The following MAP3K14 variants were observed in gnomAD, a reference collection of about 807,000 sequenced individuals.
MAP3K14 encodes the protein NF-kappa-beta-inducing kinase.
In MAP3K14, 16 loss-of-function variants were observed where a neutral mutation model predicts 99.2. That is an observed-to-expected ratio of 0.16 (90% CI 0.11 to 0.24). The LOEUF is 0.24. Among genes scored for constraint, MAP3K14 ranks in the 10% least tolerant of loss-of-function variants. The pLI, the probability that MAP3K14 is intolerant of heterozygous loss-of-function variation, is 1.00. For missense variants in MAP3K14, 784 were observed against 1,208.7 expected (o/e 0.65, Z 5.21); for synonymous variants, 462 against 492.4 (o/e 0.94, Z 0.82).
At chr17:45,279,769 C>T (rs988132380) in intron 6 of MAP3K14, among the ~76,000 whole-genome samples, 7 of 152,106 alleles carry the variant, frequency 4.6e-5, no homozygotes, top group Non-Finnish European at 8.8e-5. Flanking sequence ...TAAAAAAAGG[C>T]GTAAGAGCAA....
At chr17:45,274,322 C>T (rs1308848600) in intron 7 of MAP3K14, 68 bp from the exon 8 acceptor site, 1 of 1,575,662 alleles carries the variant, frequency 6.3e-7, no homozygotes. Flanking sequence ...AGGGCAAGAG[C>T]ACAGGGCAGG....
chr17:45,304,251 G>A (rs931178507), intron 1 of MAP3K14, among the ~76,000 whole-genome samples: 3 of 152,004 alleles, frequency 2.0e-5, no homozygotes, highest in South Asian at 2.1e-4. Context: ...CAATCCACCC[G>A]CCTTGGCCTC....
intron 5 of MAP3K14, among the ~76,000 whole-genome samples, chr17:45,285,519 G>A (rs954172631): frequency 4.6e-5 from 7 of 152,106 alleles, no homozygotes; most frequent in African/African-American, 1.7e-4. Flanking sequence ...TCAGCTACTC[G>A]GGAGGCTGAG....
rs930153788 is a variant in MAP3K14, at chr17:45,303,382, G to A, written c.-20-12617C>T. Among the ~76,000 whole-genome samples the A allele has an allele frequency of 2.0e-5, 3 of 152,258 alleles. No individual in the cohort carries two copies. The East Asian group carries it at 5.8e-4, about 29-fold the overall frequency. On this transcript the variant is annotated intron_variant, in intron 1 of 15. Transcript: ENST00000344686. ...TCAAGACCAGCCTGGCCAACATGGGGAAATCTCGTCTCTACTAAAAATACA... is the reference window on the plus strand; with the variant it reads ...TCAAGACCAGCCTGGCCAACATGGGAAAATCTCGTCTCTACTAAAAATACA...
In MAP3K14 at chr17:45,279,179, G is replaced by T. The variant is rs1378275964; in HGVS notation, c.1291-4586C>A. 2.0e-5 allele frequency among the ~76,000 whole-genome samples: 3 copies of T among 152,200 alleles called. No homozygotes were observed. In the East Asian group the frequency reaches 5.8e-4, roughly 29 times the overall value. ...AGTTTCGCTCTTGTTGCCCGGGCTGGAGTGCAATGGCGTGATCTCGGCTCA... is the reference window on the plus strand; with the variant it reads ...AGTTTCGCTCTTGTTGCCCGGGCTGTAGTGCAATGGCGTGATCTCGGCTCA... On this transcript the variant is annotated intron_variant, in intron 6 of 15. Coordinates refer to ENST00000344686, the MANE Select transcript of MAP3K14 (RefSeq NM_003954.5).
Position 45,267,577 on chromosome 17 carries a change from G to C in MAP3K14, c.2155C>G (p.Pro719Ala). 1 of 1,613,506 alleles carries C rather than the reference G, an allele frequency of 6.2e-7. No homozygotes were observed. Among genetic ancestry groups the C allele is most frequent in the South Asian group, 1.1e-5 (1 of 91,020 alleles). ...RAPKLQPPLP[P>A]EPPEPNKSPP... is the part of the protein sequence containing the mutation. ...GACTTGTTTGGCTCTGGGGGCTCTG[G>C]TGGGAGAGGAGGCTGGAGCTTAGGG... Residue 719 changes from proline (P) to alanine (A), a missense_variant, in exon 12 of 16, where the codon CCA (proline) becomes GCA (alanine). By Grantham distance (27) the Pro-to-Ala change is conservative. This residue lies in a region of MAP3K14 where 128 missense variants were observed against 143.3 expected (regional missense o/e 0.89). Transcript: ENST00000344686. This position sits in a 1 kb window ranked among gnomAD's most constrained non-coding sequence, Gnocchi z 5.1.
At chr17:45,293,986 G>C (rs2143837468) in intron 1 of MAP3K14, among the ~76,000 whole-genome samples, 1 of 152,220 alleles carries the variant, frequency 6.6e-6, no homozygotes, top group East Asian at 1.9e-4. Context: ...TTTGGTCTCT[G>C]GCTGTCACCC....
intron 13 of MAP3K14, 80 bp from the exon 14 acceptor site, chr17:45,266,761 A>G: frequency 6.9e-7 from 1 of 1,457,428 alleles, no homozygotes; most frequent in Non-Finnish European, 9.3e-7. Flanking sequence ...TTTGGGGAAA[A>G]GGGGCACTGC....
chr17:45,289,185 G>A (rs2044291872), intron 3 of MAP3K14, 51 bp downstream of exon 3: 4 of 1,547,756 alleles, frequency 2.6e-6, no homozygotes, highest in Admixed American at 1.7e-5. Flanking sequence ...GGGGACGAGG[G>A]CGCTGGGTCC....
chr17:45,316,368 C>T (rs1001521278), intron 1 of MAP3K14, among the ~76,000 whole-genome samples: 1 of 152,172 alleles, frequency 6.6e-6, no homozygotes, highest in Non-Finnish European at 1.5e-5. Flanking sequence ...GATAAAGTCC[C>T]GAGTTGGAGA....
At chr17:45,297,357 G>A (rs77220791) in intron 1 of MAP3K14, among the ~76,000 whole-genome samples, 4,751 of 152,278 alleles carry the variant, frequency 0.031, 188 homozygotes, top group African/African-American at 0.088. Context: ...GGAAGCAGAC[G>A]AAGATCCCTT....
intron 1 of MAP3K14, among the ~76,000 whole-genome samples, chr17:45,315,729 A>G (rs530155149): frequency 2.0e-4 from 30 of 152,278 alleles, no homozygotes; most frequent in African/African-American, 5.8e-4. Context: ...AGTCCCAGCT[A>G]TGAGGCATCA....
chr17:45,289,464 C>T (rs747206256), intron 2 of MAP3K14, among the ~76,000 whole-genome samples, 159 bp from the exon 3 acceptor site: 53 of 152,142 alleles, frequency 3.5e-4, no homozygotes, highest in Non-Finnish European at 7.1e-4. Context: ...GCCTCCTTCC[C>T]GCACTGTCTC....
chr17:45,305,318 G>A (rs2044422597), intron 1 of MAP3K14, among the ~76,000 whole-genome samples: 1 of 151,332 alleles, frequency 6.6e-6, no homozygotes, highest in South Asian at 2.1e-4. Context: ...GGATGGTCTC[G>A]ATCTCCTGAC....
chr17:45,292,838 C>T (rs1173226844), intron 1 of MAP3K14, among the ~76,000 whole-genome samples: 1 of 152,194 alleles, frequency 6.6e-6, no homozygotes, highest in Non-Finnish European at 1.5e-5. Flanking sequence ...GCGTGACCTC[C>T]TCATTTCTAT....
Position 45,263,412 on chromosome 17 carries a change from C to T in MAP3K14, c.*1224G>A, listed in dbSNP as rs539391922. 6.5e-6 allele frequency: 1 copy of T among 152,914 alleles called. No individual in the cohort carries two copies. Among genetic ancestry groups the T allele is most frequent in the South Asian group, 2.1e-4 (1 of 4,832 alleles). 9.5% of individuals were successfully genotyped at this position (152,914 alleles called of 1,614,324 possible). ...GCTACGTGAGTCCTGAGTAGCTCCC[C>T]TGGGAGAAGAGGCTAAGCTGGGGCA... is the stretch of plus-strand genomic sequence containing the variant. On this transcript the variant is annotated 3_prime_UTR_variant, in exon 16 of 16. Coordinates refer to ENST00000344686, the MANE Select transcript of MAP3K14 (RefSeq NM_003954.5).
rs751683830 is a variant in MAP3K14, at chr17:45,287,344, T to C, written c.347A>G (p.Gln116Arg). ...AGCATGGGCCACATTGTTGGGGATC[T>C]GATCAAGACTCTCGGACTGGCTGTC... is the stretch of plus-strand genomic sequence containing the variant. The part of the protein sequence containing the change: ...KQYSQSESLD[Q>R]IPNNVAHATE... The change falls in exon 4 of 16, where the codon CAG (glutamine) becomes CGG (arginine). Residue 116 changes from glutamine to arginine, a missense_variant. By Grantham distance (43) the Gln-to-Arg change is conservative (BLOSUM62 1). Around this residue, in one of 5 missense-constraint regions of MAP3K14, gnomAD observed 188 missense variants for 313.0 expected, o/e 0.60. Transcript: ENST00000344686. The C allele has an allele frequency of 6.2e-7, 1 of 1,614,028 alleles. No individual in the cohort carries two copies. Among genetic ancestry groups the C allele is most frequent in the Non-Finnish European group, 8.5e-7 (1 of 1,179,884 alleles).
At chr17:45,273,871 C>A (rs879804503) in intron 8 of MAP3K14, 1 of 642,292 alleles carries the variant, frequency 1.6e-6, no homozygotes, top group Admixed American at 2.4e-5. Flanking sequence ...CTGCGCCGAC[C>A]CCATACCAGG....
chr17:45,270,580 A>G lies in MAP3K14; in HGVS notation c.1822-17T>C. ...GCTGGCAATCTGGGGGGCAAAAGAC[A>G]ACAGGTGAGGCCTGCCTTCCCTCAT... On this transcript the variant is annotated splice_polypyrimidine_tract_variant and intron_variant, in intron 10 of 15. Transcript: ENST00000344686. 1 of 1,538,314 alleles carries G rather than the reference A, an allele frequency of 6.5e-7. No homozygotes were observed.
Sources: gnomAD v4.1 joint callset for allele counts (sites outside exome capture counted in the v4.1 genomes callset) on GRCh38, gnomAD v4.1.1 for gene constraint, gnomAD v4.1.1 regional missense constraint, Gnocchi (gnomAD v3.1) non-coding constraint, MANE v1.5 for transcripts, NCBI Gene and HGNC (gene_info 2026-07-23, HGNC 2026-07-21) for gene names.